THSD7B: variants seen among roughly 807,000 people sequenced by gnomAD.
THSD7B encodes the protein thrombospondin type 1 domain containing 7B.
Under a neutral mutation model 213.6 loss-of-function variants are expected in THSD7B, and 138 were observed. The ratio of observed to expected loss-of-function variants is 0.65; its 90% CI spans 0.56 to 0.74. THSD7B has a LOEUF of 0.74. THSD7B is among the 30% of genes least tolerant of loss of function. The pLI is 0.00. For missense variants in THSD7B, 1,931 were observed against 1,991.5 expected, an observed-to-expected ratio of 0.97 and a Z score of 0.58; for synonymous variants, 742 against 687.0, an observed-to-expected ratio of 1.08 and a Z score of -1.25.
At chr2:137,030,882 C>A (rs895705445) in intron 2 of THSD7B, among the ~76,000 whole-genome samples, 2 of 152,028 alleles carry the variant, frequency 1.3e-5, no homozygotes, top group Non-Finnish European at 2.9e-5. Context: ...ATACAATTAT[C>A]CATGTAATAA....
At chr2:137,486,994 G>A (rs1309415670) in intron 15 of THSD7B, among the ~76,000 whole-genome samples, 4 of 152,260 alleles carry the variant, frequency 2.6e-5, no homozygotes, top group Middle Eastern at 3.4e-3. Flanking sequence ...ATTCAAAGCA[G>A]TGTGTAGAGG....
chr2:137,303,706 A>ATATATATT (rs1553437349), intron 12 of THSD7B, among the ~76,000 whole-genome samples: 4 of 122,164 alleles, frequency 3.3e-5, no homozygotes, highest in Admixed American at 8.4e-5. Context: ...ATATATATTT[A>ATATATATT]TATATATATT....
chr2:137,353,886 T>G (rs1685067705), intron 12 of THSD7B, among the ~76,000 whole-genome samples: 1 of 152,128 alleles, frequency 6.6e-6, no homozygotes, highest in African/African-American at 2.4e-5. Context: ...ATTGGGAAGC[T>G]GTAGTTACAG....
At chr2:137,062,389 C>T (rs1687294129) in intron 3 of THSD7B, among the ~76,000 whole-genome samples, 1 of 151,262 alleles carries the variant, frequency 6.6e-6, no homozygotes, top group Non-Finnish European at 1.5e-5. Flanking sequence ...GATTTAATTG[C>T]TCTTCTTTTT....
At chr2:136,904,544 G>A (rs1684122701) in intron 2 of THSD7B, among the ~76,000 whole-genome samples, 1 of 150,860 alleles carries the variant, frequency 6.6e-6, no homozygotes, top group South Asian at 2.1e-4. Context: ...ATAACTCCAT[G>A]TTCACCAGGA....
chr2:137,112,772 C>CATGTGT (rs1553471777), intron 4 of THSD7B, among the ~76,000 whole-genome samples: 4 of 149,824 alleles, frequency 2.7e-5, no homozygotes, highest in Non-Finnish European at 4.4e-5. Context: ...TGTTAATGTA[C>CATGTGT]GTGTGTGTGT....
chr2:137,338,344 T>G (rs1456978089), intron 12 of THSD7B, among the ~76,000 whole-genome samples: 2 of 152,036 alleles, frequency 1.3e-5, no homozygotes, highest in African/African-American at 4.8e-5. Flanking sequence ...AAGCCTGAGA[T>G]GTCATGCCAT....
intron 1 of THSD7B, among the ~76,000 whole-genome samples, chr2:136,869,674 T>C (rs1336499892): frequency 6.6e-6 from 1 of 152,220 alleles, no homozygotes; most frequent in Non-Finnish European, 1.5e-5. Flanking sequence ...TTCATTCCTT[T>C]CCCACAAGAG....
chr2:137,000,292 T>C (rs959548295), intron 2 of THSD7B, among the ~76,000 whole-genome samples: 8 of 152,186 alleles, frequency 5.3e-5, no homozygotes, highest in Non-Finnish European at 8.8e-5. Context: ...CTGAATTTTA[T>C]GTAATCTAGA....
intron 2 of THSD7B, among the ~76,000 whole-genome samples, chr2:136,974,248 T>C (rs476435): frequency 0.88 from 133,332 of 152,174 alleles, 58,484 homozygotes; most frequent in Admixed American, 0.9. Context: ...TTGTTACATA[T>C]GTAAATGTGT....
At chr2:137,092,691 G>A (rs1191784799) in intron 3 of THSD7B, among the ~76,000 whole-genome samples, 3 of 152,092 alleles carry the variant, frequency 2.0e-5, no homozygotes, top group Non-Finnish European at 4.4e-5. Context: ...CTGGAGTGCG[G>A]TGGTGCAGTC....
chr2:137,341,646 T>C (rs573870447), intron 12 of THSD7B, among the ~76,000 whole-genome samples: 9 of 151,740 alleles, frequency 5.9e-5, no homozygotes, highest in Non-Finnish European at 8.9e-5. Context: ...GATTTTTGTA[T>C]GTGTTGTGGG....
chr2:137,169,676 T>C (rs1250197655), intron 6 of THSD7B, among the ~76,000 whole-genome samples: 1 of 152,166 alleles, frequency 6.6e-6, no homozygotes, highest in African/African-American at 2.4e-5. Context: ...AGGAATCTGT[T>C]GATTGAATTT....
intron 12 of THSD7B, among the ~76,000 whole-genome samples, chr2:137,384,689 G>A (rs1394958373): frequency 2.6e-5 from 4 of 152,088 alleles, no homozygotes; most frequent in Non-Finnish European, 4.4e-5. Context: ...TTACAGTCGT[G>A]GCCTAGAGTG....
rs138860109 is a variant in THSD7B, at chr2:136,933,400, C to A, written c.139+51083C>A. On this transcript the variant is annotated intron_variant, in intron 2 of 27. Transcript: ENST00000409968. ...GAGCAATCTGGCCAACATGGTGAAA[C>A]CCTGCCTCTACTAAAAAAGAATACA... 2.6e-5 allele frequency among the ~76,000 whole-genome samples: 4 copies of A among 152,020 alleles called. No homozygotes were observed. In the East Asian group the frequency reaches 7.8e-4, roughly 29 times the overall value.
chr2:137,610,523 G>A (rs1223429240), intron 17 of THSD7B, among the ~76,000 whole-genome samples: 1 of 152,084 alleles, frequency 6.6e-6, no homozygotes, highest in East Asian at 1.9e-4. Context: ...TGAGCCCATG[G>A]TCAACAACAG....
intron 15 of THSD7B, among the ~76,000 whole-genome samples, chr2:137,501,781 T>C (rs1189417357): frequency 2.0e-5 from 3 of 152,216 alleles, no homozygotes; most frequent in Admixed American, 2.0e-4. Context: ...GCAAGGAAAT[T>C]AGCATCTCTG....
intron 2 of THSD7B, among the ~76,000 whole-genome samples, chr2:136,944,069 C>T (rs1294700067): frequency 1.3e-5 from 2 of 152,100 alleles, no homozygotes; most frequent in African/African-American, 2.4e-5. Flanking sequence ...CTCTGAGATT[C>T]TAGTATGTTG....
At chr2:137,066,382 C>T (rs1297089788) in intron 3 of THSD7B, among the ~76,000 whole-genome samples, 1 of 151,618 alleles carries the variant, frequency 6.6e-6, no homozygotes, top group African/African-American at 2.4e-5. Context: ...TTAGTAGAGA[C>T]GGGGTTTCAC....
Sources: allele counts gnomAD v4.1 joint callset (sites outside exome capture counted in the v4.1 genomes callset), GRCh38; gene constraint gnomAD v4.1.1; transcripts MANE v1.5; gene names NCBI Gene and HGNC (gene_info 2026-07-23, HGNC 2026-07-21).